The following EVA1C variants were observed in gnomAD, a reference collection of about 807,000 sequenced individuals.
EVA1C encodes the protein eva-1 homolog C.
Under a neutral mutation model 45.4 loss-of-function variants are expected in EVA1C, and 25 were observed. The ratio of observed to expected loss-of-function variants is 0.55; its 90% CI spans 0.40 to 0.77. The LOEUF is 0.77. Ranked by LOEUF, EVA1C falls within the 30% of genes least tolerant of loss-of-function variation. The probability of loss-of-function intolerance (pLI) is 0.00; values close to 1 mark genes in which losing one functional copy is unlikely to be tolerated. For missense variants in EVA1C, 479 were observed against 554.8 expected (o/e 0.86, Z 1.37); for synonymous variants, 190 against 221.2 (o/e 0.86, Z 1.25).
intron 1 of EVA1C, among the ~76,000 whole-genome samples, chr21:32,451,145 G>A (rs754880190): frequency 1.3e-5 from 2 of 152,238 alleles, no homozygotes; most frequent in South Asian, 2.1e-4. Context: ...TGGATTGGGC[G>A]CCTGGATTTT....
chr21:32,448,961 G>C lies in EVA1C; in HGVS notation c.161-4351G>C, dbSNP rs1383418260. Among the ~76,000 whole-genome samples the C allele has an allele frequency of 1.4e-4, 14 of 99,396 alleles. No homozygotes were observed. In the East Asian group the frequency reaches 3.9e-3, roughly 27 times the overall value. 65.2% of individuals were successfully genotyped at this position (99,396 alleles called of 152,430 possible). On this transcript the variant is annotated intron_variant, in intron 1 of 7. Transcript: ENST00000300255. ...GAGAAAGAGAGAAAGAAAGAAAAGA[G>C]AAAGAAAAAGAAAGAAAGAAAGAGA... is the stretch of plus-strand genomic sequence containing the variant.
Position 32,463,128 on chromosome 21 carries a change from G to T in EVA1C, c.482-4568G>T, listed in dbSNP as rs187492775. Among the ~76,000 whole-genome samples the T allele has an allele frequency of 2.1e-3, 321 of 152,306 alleles. 1 individual carries two copies. The highest frequency in any genetic ancestry group is 3.3e-3 in the Non-Finnish European group (227 of 68,020). The stretch of plus-strand genomic sequence containing the variant: ...ACATAACCCTCTCATTTGTAGGTTG[G>T]TGCAAAAATAATCGCGGTTTTTGCC... On this transcript the variant is annotated intron_variant, in intron 3 of 7. Transcript: ENST00000300255.
intron 1 of EVA1C, among the ~76,000 whole-genome samples, chr21:32,415,644 TC>T (rs910884444): frequency 3.3e-5 from 5 of 152,010 alleles, no homozygotes; most frequent in Non-Finnish European, 7.4e-5. Context: ...AGAGGCAGCA[TC>T]ATGGCCCCCT....
intron 4 of EVA1C, among the ~76,000 whole-genome samples, chr21:32,479,557 T>A (rs1459333846): frequency 6.6e-6 from 1 of 152,194 alleles, no homozygotes; most frequent in Non-Finnish European, 1.5e-5. Context: ...TCAACAAAGA[T>A]ACAGTCAGAC....
intron 3 of EVA1C, among the ~76,000 whole-genome samples, chr21:32,462,695 C>T (rs1292686588): frequency 6.6e-6 from 1 of 152,210 alleles, no homozygotes; most frequent in South Asian, 2.1e-4. Flanking sequence ...GAACACCTGG[C>T]CCACCCAGAG....
rs771811005 is a variant in EVA1C at position 32,515,037 on chromosome 21, G to A, written c.1173G>A (p.Ser391=). The A allele has an allele frequency of 1.7e-5, 27 of 1,614,020 alleles. No homozygotes were observed. The highest frequency in any genetic ancestry group is 3.3e-5 in the South Asian group (3 of 91,080). ...PSESDFPGEL[S]GFCRTSYPIY... ...AGTCTGATTTCCCAGGGGAACTGTC[G>A]GGGTTCTGTAGGACTTCATATCCTA... Residue 391 remains serine, a synonymous_variant, in exon 8 of 8, where the codon TCG becomes TCA. Coordinates refer to ENST00000300255, the MANE Select transcript of EVA1C (RefSeq NM_058187.5).
intron 4 of EVA1C, among the ~76,000 whole-genome samples, chr21:32,490,181 A>T (rs542030755): frequency 1.3e-5 from 2 of 151,808 alleles, no homozygotes; most frequent in Admixed American, 1.3e-4. Context: ...AATCTCCAGA[A>T]TTTTTTCATC....
chr21:32,414,114 A>C (rs1249421114), intron 1 of EVA1C, among the ~76,000 whole-genome samples: 2 of 152,226 alleles, frequency 1.3e-5, no homozygotes, highest in Non-Finnish European at 2.9e-5. Flanking sequence ...TTGTTAGTGG[A>C]GAGCCCTTAG....
chr21:32,463,262 T>C (rs1349412446), intron 3 of EVA1C, among the ~76,000 whole-genome samples: 1 of 152,148 alleles, frequency 6.6e-6, no homozygotes. Context: ...GGTTCTACCT[T>C]CCCAGGCCCC....
intron 6 of EVA1C, among the ~76,000 whole-genome samples, chr21:32,502,012 CTTTCTTTCTTTCTTTCTT>C (rs2037556705): frequency 7.6e-6 from 1 of 132,252 alleles, no homozygotes; most frequent in Non-Finnish European, 1.5e-5. Flanking sequence ...TTCTTTCTTT[CTTTCTTTCTTTCTTTCTT>C]TCTTTCTTTC....
intron 5 of EVA1C, 62 bp downstream of exon 5, chr21:32,495,232 C>G: frequency 6.4e-7 from 1 of 1,570,710 alleles, no homozygotes; most frequent in Non-Finnish European, 8.7e-7. Context: ...AGGGTGGTGA[C>G]CATGTGAACG....
intron 3 of EVA1C, among the ~76,000 whole-genome samples, chr21:32,466,643 C>G (rs2036185190): frequency 6.6e-6 from 1 of 152,050 alleles, no homozygotes; most frequent in South Asian, 2.1e-4. Flanking sequence ...CTACCTGGTC[C>G]AAAACATCCT....
chr21:32,445,433 C>T (rs540679218), intron 1 of EVA1C, among the ~76,000 whole-genome samples: 6 of 152,150 alleles, frequency 3.9e-5, no homozygotes, highest in Non-Finnish European at 5.9e-5. Context: ...AAAAGGTGAG[C>T]GATGTATGTA....
At chr21:32,419,603 T>C (rs1016093764) in intron 1 of EVA1C, among the ~76,000 whole-genome samples, 1 of 152,184 alleles carries the variant, frequency 6.6e-6, no homozygotes, top group African/African-American at 2.4e-5. Context: ...TAATCCCAGC[T>C]ACTCGGGAGA....
chr21:32,432,126 T>C (rs2034729551), intron 1 of EVA1C, among the ~76,000 whole-genome samples: 1 of 152,174 alleles, frequency 6.6e-6, no homozygotes, highest in African/African-American at 2.4e-5. Context: ...CTGATGTTTC[T>C]TGGTGGTGAC....
chr21:32,487,078 C>A (rs547078328), intron 4 of EVA1C, among the ~76,000 whole-genome samples: 2 of 152,166 alleles, frequency 1.3e-5, no homozygotes, highest in Non-Finnish European at 2.9e-5. Context: ...TTGTCCTGGG[C>A]TCCTGAAATA....
chr21:32,489,042 C>G (rs1044912646), intron 4 of EVA1C, among the ~76,000 whole-genome samples: 1 of 152,144 alleles, frequency 6.6e-6, no homozygotes, highest in African/African-American at 2.4e-5. Context: ...AATATTTTCT[C>G]GCAATCTGTA....
chr21:32,486,391 C>T (rs1385139808), intron 4 of EVA1C, among the ~76,000 whole-genome samples: 1 of 152,202 alleles, frequency 6.6e-6, no homozygotes, highest in Non-Finnish European at 1.5e-5. Context: ...CCGCAAAGTG[C>T]TGGGATTACA....
Position 32,412,948 on chromosome 21 carries a change from T to C in EVA1C, c.95T>C (p.Leu32Pro). Residue 32 changes from leucine (L) to proline (P), a missense_variant, in exon 1 of 8, where the codon CTG becomes CCG. By Grantham distance (98) the Leu-to-Pro change is moderately conservative. Coordinates refer to ENST00000300255, the MANE Select transcript of EVA1C (RefSeq NM_058187.5). ...RRQVEPPGQL[L>P]RLFYCTVLVC... ...CAGGTAGAGCCGCCGGGGCAGCTCCTGCGCCTCTTCTACTGCACTGTCCTG... is the reference window on the plus strand; with the variant it reads ...CAGGTAGAGCCGCCGGGGCAGCTCCCGCGCCTCTTCTACTGCACTGTCCTG... 1 of 1,554,732 alleles carries C rather than the reference T, an allele frequency of 6.4e-7. No individual in the cohort carries two copies. Among genetic ancestry groups the C allele is most frequent in the Non-Finnish European group, 8.7e-7 (1 of 1,152,886 alleles).
Sources: allele counts gnomAD v4.1 joint callset (sites outside exome capture counted in the v4.1 genomes callset), GRCh38; gene constraint gnomAD v4.1.1; transcripts MANE v1.5; gene names NCBI Gene and HGNC (gene_info 2026-07-23, HGNC 2026-07-21).